FEM1C: variants seen among roughly 807,000 people sequenced by gnomAD.
FEM1C encodes fem-1 homolog C.
A neutral mutation model predicts 37.6 loss-of-function variants in FEM1C; 15 were observed. That is an observed-to-expected ratio of 0.40 (90% CI 0.27 to 0.61). The LOEUF (loss-of-function observed/expected upper bound fraction) is 0.61, where lower values mean the gene tolerates loss of function less well. Ranked by LOEUF, FEM1C falls within the 20% of genes least tolerant of loss-of-function variation. The pLI, the probability that FEM1C is intolerant of heterozygous loss-of-function variation, is 0.42. For synonymous variants in FEM1C, 287 were observed against 272.8 expected (o/e 1.05, Z -0.51); for missense variants, 532 against 749.7 (o/e 0.71, Z 3.39).
intron 1 of FEM1C, 109 bp from the exon 2 acceptor site, chr5:115,543,792 G>A: frequency 2.6e-6 from 3 of 1,142,848 alleles, no homozygotes; most frequent in Non-Finnish European, 3.2e-6. Flanking sequence ...TATACTTCAG[G>A]CACTACTCCA....
At chr5:115,539,916 A>G (rs1561560619) in intron 2 of FEM1C, among the ~76,000 whole-genome samples, 1 of 152,130 alleles carries the variant, frequency 6.6e-6, no homozygotes, top group African/African-American at 2.4e-5. Flanking sequence ...ACATGTTCAA[A>G]TATCAACCGC....
chr5:115,525,244 T>C lies in FEM1C; in HGVS notation c.918A>G (p.Glu306=). ...GATCAGCAATAAGACCTTCTAGCTC[T>C]TCTGCACTGTTCACTTCCTTGGCAT... ...YDYAKEVNSA[E]ELEGLIADPD... The change falls in exon 3 of 3, where the codon GAA becomes GAG. Residue 306 remains glutamate (E), a synonymous_variant. Coordinates refer to ENST00000274457, the MANE Select transcript of FEM1C (RefSeq NM_020177.3). The C allele has an allele frequency of 6.2e-7, 1 of 1,613,704 alleles. No individual in the cohort carries two copies.
rs1307023134 is a variant in FEM1C at position 115,522,386 on chromosome 5, T to C, written c.*1922A>G. On this transcript the variant is annotated 3_prime_UTR_variant, in exon 3 of 3. Coordinates refer to ENST00000274457, the MANE Select transcript of FEM1C (RefSeq NM_020177.3). ...TATATGTGACAGTTCAAATATTTCATCAAATTTTCCCACAGTGAGAGATAG... is the reference window on the plus strand; with the variant it reads ...TATATGTGACAGTTCAAATATTTCACCAAATTTTCCCACAGTGAGAGATAG... The C allele has an allele frequency of 6.6e-6, 1 of 151,940 alleles. No homozygotes were observed. The highest frequency in any genetic ancestry group is 2.4e-5 in the African/African-American group (1 of 41,432). 9.4% of individuals were successfully genotyped at this position (151,940 alleles called of 1,614,324 possible). A position where few individuals can be genotyped will look rare whatever the true frequency, so the allele number is the denominator to read the frequency against.
chr5:115,532,195 C>A (rs544528690), intron 2 of FEM1C, among the ~76,000 whole-genome samples: 3 of 151,998 alleles, frequency 2.0e-5, no homozygotes, highest in East Asian at 3.9e-4. Context: ...TATTATAATA[C>A]CTTACACTAG....
chr5:115,529,521 C>A (rs907042758), intron 2 of FEM1C, among the ~76,000 whole-genome samples: 1 of 152,034 alleles, frequency 6.6e-6, no homozygotes, highest in African/African-American at 2.4e-5. Flanking sequence ...TTATTACCAG[C>A]AGATCTAAAT....
rs1053720567 is a variant in FEM1C at position 115,544,747 on chromosome 5, G to C, written c.-415C>G. On this transcript the variant is annotated 5_prime_UTR_variant, in exon 1 of 3. Transcript: ENST00000274457. ...CCCTTAGTCGGCTCGGACTGCAGCG[G>C]CTGCAGCGACTGCTGCGACGGATGG... 6.5e-6 allele frequency: 1 copy of C among 152,708 alleles called. No homozygotes were observed. The highest frequency in any genetic ancestry group is 1.5e-5 in the Non-Finnish European group (1 of 68,400). The allele number at this position is 152,708 out of a possible 1,614,324, so 9.5% of individuals were successfully genotyped here.
At chr5:115,530,975 A>G (rs939630447) in intron 2 of FEM1C, among the ~76,000 whole-genome samples, 1 of 152,082 alleles carries the variant, frequency 6.6e-6, no homozygotes, top group Non-Finnish European at 1.5e-5. Context: ...AAAAAGGGAT[A>G]CGTATGCGAA....
Position 115,525,256 on chromosome 5 carries a change from C to A in FEM1C, c.906G>T (p.Val302=), listed in dbSNP as rs560441200. 23 of 1,613,662 alleles carry A rather than the reference C, an allele frequency of 1.4e-5. No homozygotes were observed. The South Asian group carries it at 2.5e-4, about 18-fold the overall frequency. The part of the protein sequence containing the change: ...LIMAYDYAKE[V]NSAEELEGLI... The stretch of plus-strand genomic sequence containing the variant: ...GACCTTCTAGCTCTTCTGCACTGTT[C>A]ACTTCCTTGGCATAATCATAAGCCA... The change falls in exon 3 of 3, where the codon GTG becomes GTT. Residue 302 remains valine (V), a synonymous_variant. Transcript: ENST00000274457.
rs575457846 is a variant in FEM1C at position 115,542,887 on chromosome 5, G to A, written c.544+63C>T. The A allele has an allele frequency of 1.4e-5, 22 of 1,550,162 alleles. No individual in the cohort carries two copies. In the South Asian group the frequency reaches 2.4e-4, roughly 17 times the overall value. ...TTTACTCAACACCAGTGCTTATAAT[G>A]ATGTATCAAACTTCCTGAAAATAAG... On this transcript the variant is annotated intron_variant, in intron 2 of 2. Transcript: ENST00000274457.
intron 2 of FEM1C, 66 bp downstream of exon 2, chr5:115,542,881 TATA>T: frequency 1.3e-6 from 2 of 1,544,954 alleles, no homozygotes; most frequent in Non-Finnish European, 8.7e-7. Flanking sequence ...CACCAGTGCT[TATA>T]ATGATGTATC....
chr5:115,537,197 C>A (rs979466910), intron 2 of FEM1C, among the ~76,000 whole-genome samples: 12 of 152,000 alleles, frequency 7.9e-5, no homozygotes, highest in African/African-American at 2.9e-4. Flanking sequence ...TACATTCCTG[C>A]TGCCTCAACA....
chr5:115,540,947 T>C (rs1311774254), intron 2 of FEM1C, among the ~76,000 whole-genome samples: 1 of 152,082 alleles, frequency 6.6e-6, no homozygotes, highest in Non-Finnish European at 1.5e-5. Context: ...CAGCAGTAAT[T>C]TGTTGTCTTA....
intron 1 of FEM1C, among the ~76,000 whole-genome samples, 195 bp downstream of exon 1, chr5:115,544,327 CT>C (rs1754310919): frequency 6.6e-6 from 1 of 151,972 alleles, no homozygotes. Context: ...CAACCTTCCC[CT>C]CTCCCTGTTC....
intron 2 of FEM1C, among the ~76,000 whole-genome samples, chr5:115,532,577 T>G (rs1363409615): frequency 6.6e-6 from 1 of 151,986 alleles, no homozygotes. Context: ...CAATTATAAC[T>G]TTTGTGTCAT....
Position 115,524,196 on chromosome 5 carries a change from C to A in FEM1C, c.*112G>T. The A allele has an allele frequency of 1.2e-6, 1 of 818,662 alleles. No individual in the cohort carries two copies. Among genetic ancestry groups the A allele is most frequent in the East Asian group, 2.6e-5 (1 of 37,970 alleles). The allele number at this position is 818,662 out of a possible 1,614,324, so 50.7% of individuals were successfully genotyped here. A position where few individuals can be genotyped will look rare whatever the true frequency, so the allele number is the denominator to read the frequency against. On this transcript the variant is annotated 3_prime_UTR_variant, in exon 3 of 3. Transcript: ENST00000274457. ...CTTATAATGCTTTAGCCAATGAGAG[C>A]ACAATGATATCAATCAAGCTAAATG... is the stretch of plus-strand genomic sequence containing the variant.
At chr5:115,533,880 T>C (rs1486133873) in intron 2 of FEM1C, among the ~76,000 whole-genome samples, 1 of 151,730 alleles carries the variant, frequency 6.6e-6, no homozygotes, top group Non-Finnish European at 1.5e-5. Flanking sequence ...ATTAAACAAT[T>C]CTCAATGCCT....
intron 2 of FEM1C, among the ~76,000 whole-genome samples, chr5:115,528,834 G>A (rs951961202): frequency 2.7e-4 from 41 of 152,064 alleles, no homozygotes; most frequent in Non-Finnish European, 2.2e-4. Context: ...ACTATGCTTA[G>A]CATATTCGAG....
At chr5:115,544,265 C>T (rs1468325809) in intron 1 of FEM1C, 4 of 772,942 alleles carry the variant, frequency 5.2e-6, no homozygotes, top group African/African-American at 1.9e-5. Context: ...TCACCCCCCA[C>T]CCCCCGCCAA....
chr5:115,525,418 T>C lies in FEM1C; in HGVS notation c.744A>G (p.Leu248=). The C allele has an allele frequency of 6.2e-7, 1 of 1,613,718 alleles. No individual in the cohort carries two copies. Among genetic ancestry groups the C allele is most frequent in the Non-Finnish European group, 8.5e-7 (1 of 1,179,776 alleles). The change falls in exon 3 of 3, where the codon CTA becomes CTG. Residue 248 remains leucine, a synonymous_variant. Transcript: ENST00000274457. ...QTSKTERINA[L]ELLGATFVDK... ...CTACAAATGTAGCTCCCAGAAGCTC[T>C]AGAGCATTAATACGTTCTGTCTTGC...
Sources: gnomAD v4.1 joint callset for allele counts (sites outside exome capture counted in the v4.1 genomes callset) on GRCh38, gnomAD v4.1.1 for gene constraint, MANE v1.5 for transcripts, NCBI Gene and HGNC (gene_info 2026-07-23, HGNC 2026-07-21) for gene names.